Variants in EYS observed in about 807,000 individuals in gnomAD.
The protein encoded by EYS is EGF-like photoreceptor maintenance factor.
EYS carries 250 observed loss-of-function variants against 282.1 expected under a neutral mutation model. The ratio of observed to expected loss-of-function variants is 0.89; its 90% CI spans 0.80 to 0.98. The LOEUF is 0.98. Among genes scored for constraint, EYS ranks in the 50% least tolerant of loss-of-function variants. The probability of loss-of-function intolerance (pLI) is 0.00; values close to 1 mark genes in which losing one functional copy is unlikely to be tolerated. For missense variants in EYS, 4,016 were observed against 3,709.0 expected, an observed-to-expected ratio of 1.08 and a Z score of -2.15; for synonymous variants, 1,355 against 1,282.9, an observed-to-expected ratio of 1.06 and a Z score of -1.20.
chr6:65,181,192 C>A (rs141898276), intron 12 of EYS, among the ~76,000 whole-genome samples: 7,242 of 152,128 alleles, frequency 0.048, 317 homozygotes, highest in African/African-American at 0.12. Flanking sequence ...GCAACAAAAG[C>A]CAAAATTGAC....
intron 29 of EYS, among the ~76,000 whole-genome samples, chr6:64,320,159 A>G (rs1770158641): frequency 6.6e-6 from 1 of 151,884 alleles, no homozygotes; most frequent in Non-Finnish European, 1.5e-5. Flanking sequence ...GCATTGTTTG[A>G]GATGAGAAGT....
At chr6:64,908,530 T>A (rs1767899664) in intron 16 of EYS, among the ~76,000 whole-genome samples, 1 of 151,820 alleles carries the variant, frequency 6.6e-6, no homozygotes, top group Non-Finnish European at 1.5e-5. Context: ...CAAGCTCTTG[T>A]CCAGTGTCCA....
At chr6:63,801,590 G>A (rs1462528581) in intron 37 of EYS, among the ~76,000 whole-genome samples, 2 of 152,176 alleles carry the variant, frequency 1.3e-5, no homozygotes, top group African/African-American at 4.8e-5. Context: ...TTCTAGAAGA[G>A]CCAGTCTCTA....
chr6:64,903,337 C>T (rs1767724996), intron 16 of EYS, among the ~76,000 whole-genome samples: 1 of 152,112 alleles, frequency 6.6e-6, no homozygotes, highest in Non-Finnish European at 1.5e-5. Context: ...ACACAATATT[C>T]TAAATGTCAG....
At chr6:64,296,583 T>C (rs1196151428) in intron 30 of EYS, among the ~76,000 whole-genome samples, 416 of 7,684 alleles carry the variant, frequency 0.054, 9 homozygotes, top group African/African-American at 0.14. Context: ...TATATATATA[T>C]ACATATATAT....
rs111663949 is a variant in EYS, at chr6:64,439,231, A to G, written c.5766T>C (p.Tyr1922=). ...QTFSSYGLLL[Y]VKQDSNLVDG... ...CTACTAAATTTGAGTCTTGCTTGAC[A>G]TACAGCAGAAGTCCATAGGAGCTGA... Residue 1922 remains tyrosine, a synonymous_variant, in exon 27 of 43, where the codon TAT becomes TAC. Transcript: ENST00000503581. 3.4e-5 allele frequency: 51 copies of G among 1,503,324 alleles called. No homozygotes were observed. The highest frequency in any genetic ancestry group is 4.4e-5 in the Non-Finnish European group (50 of 1,126,870). 93.1% of individuals were successfully genotyped at this position (1,503,324 alleles called of 1,614,324 possible).
At chr6:64,866,452 T>A (rs1346381840) in intron 19 of EYS, among the ~76,000 whole-genome samples, 1 of 151,838 alleles carries the variant, frequency 6.6e-6, no homozygotes, top group African/African-American at 2.4e-5. Flanking sequence ...TTCTTTAAAT[T>A]TGCCAATATA....
At chr6:64,743,701 G>A (rs1772450461) in intron 22 of EYS, among the ~76,000 whole-genome samples, 1 of 152,050 alleles carries the variant, frequency 6.6e-6, no homozygotes, top group Non-Finnish European at 1.5e-5. Context: ...CAAAGTTCTG[G>A]AGAAGTTACT....
At chr6:64,288,428 G>A (rs1922956) in intron 30 of EYS, among the ~76,000 whole-genome samples, 114,577 of 151,954 alleles carry the variant, frequency 0.75, 43,833 homozygotes, top group African/African-American at 0.9. Context: ...TTGCCTCACC[G>A]TTTTCTAGAG....
intron 26 of EYS, among the ~76,000 whole-genome samples, chr6:64,560,898 C>T (rs966196815): frequency 4.0e-5 from 6 of 151,756 alleles, no homozygotes; most frequent in African/African-American, 1.5e-4. Context: ...AAAAAGAAAA[C>T]TTCAGGCCAG....
At chr6:64,060,463 G>A (rs1043774219) in intron 33 of EYS, among the ~76,000 whole-genome samples, 36 of 151,762 alleles carry the variant, frequency 2.4e-4, no homozygotes, top group African/African-American at 8.7e-4. Context: ...ATTAAATATG[G>A]GTATTATAAG....
intron 5 of EYS, among the ~76,000 whole-genome samples, chr6:65,425,471 G>A (rs1767624280): frequency 6.6e-6 from 1 of 152,202 alleles, no homozygotes. Context: ...AGATTGCAAA[G>A]AGGCTGAGTA....
At chr6:64,593,800 T>C (rs1273721198) in intron 24 of EYS, among the ~76,000 whole-genome samples, 1 of 152,160 alleles carries the variant, frequency 6.6e-6, no homozygotes, top group African/African-American at 2.4e-5. Context: ...ATGATCTTTA[T>C]GTGTTTTAGT....
At position 64,241,657 on chromosome 6, in the gene EYS, T is replaced by TTTTG. The variant is rs372019243; in HGVS notation, c.6192-10834_6192-10833insCAAA. 4.0e-3 allele frequency among the ~76,000 whole-genome samples: 601 copies of TTTTG among 149,256 alleles called. 5 individuals are homozygous for TTTTG. The highest frequency in any genetic ancestry group is 0.014 in the African/African-American group (571 of 40,760). On this transcript the variant is annotated intron_variant, in intron 30 of 42. Transcript: ENST00000503581. ...GGATTCATTGATTTTTTGAAGGTTT[T>TTTTG]TGTGTGTGTGTGTGTGTGTGTGTGT...
chr6:65,167,435 T>G (rs1024864754), intron 12 of EYS, among the ~76,000 whole-genome samples: 6 of 151,300 alleles, frequency 4.0e-5, no homozygotes, highest in Non-Finnish European at 7.4e-5. Flanking sequence ...ATGGGTATAT[T>G]GTACACTTTT....
chr6:64,870,817 G>A (rs1382162074), intron 19 of EYS, among the ~76,000 whole-genome samples: 1 of 151,700 alleles, frequency 6.6e-6, no homozygotes, highest in Non-Finnish European at 1.5e-5. Flanking sequence ...GGACTTAAAG[G>A]CATATTTGAG....
intron 1 of EYS, among the ~76,000 whole-genome samples, chr6:65,657,549 G>T (rs939011524): frequency 2.6e-5 from 4 of 151,838 alleles, no homozygotes; most frequent in African/African-American, 9.7e-5. Context: ...TGGGAGAGGA[G>T]CTGAAAGATG....
chr6:64,283,713 G>A (rs906904273), intron 30 of EYS, among the ~76,000 whole-genome samples: 1 of 152,144 alleles, frequency 6.6e-6, no homozygotes, highest in Non-Finnish European at 1.5e-5. Context: ...ACTGGGAAGA[G>A]AAGGAGGTTT....
At chr6:65,115,897 T>C (rs374102589) in intron 12 of EYS, among the ~76,000 whole-genome samples, 2 of 152,130 alleles carry the variant, frequency 1.3e-5, no homozygotes, top group African/African-American at 4.8e-5. Flanking sequence ...TCCAACATTA[T>C]ACTTCATAAC....
Sources: gnomAD v4.1 joint callset for allele counts (sites outside exome capture counted in the v4.1 genomes callset) on GRCh38, gnomAD v4.1.1 for gene constraint, MANE v1.5 for transcripts, NCBI Gene and HGNC (gene_info 2026-07-23, HGNC 2026-07-21) for gene names.